The following P4HA1 variants were observed in gnomAD, a reference collection of about 807,000 sequenced individuals.
The protein encoded by P4HA1 is prolyl 4-hydroxylase subunit alpha 1.
P4HA1 carries 24 observed loss-of-function variants against 72.8 expected under a neutral mutation model. The ratio of observed to expected loss-of-function variants is 0.33; its 90% confidence interval spans 0.24 to 0.46. The LOEUF is 0.46. Ranked by LOEUF, P4HA1 falls within the 20% of genes least tolerant of loss-of-function variation. The probability of loss-of-function intolerance (pLI) is 1.00; values close to 1 mark genes in which losing one functional copy is unlikely to be tolerated. For synonymous variants in P4HA1, 201 were observed against 218.8 expected (o/e 0.92, Z 0.72); for missense variants, 446 against 640.6 (o/e 0.70, Z 3.28).
intron 7 of P4HA1, among the ~76,000 whole-genome samples, chr10:73,050,290 C>A (rs1407579978): frequency 1.3e-5 from 2 of 151,902 alleles, no homozygotes. Flanking sequence ...AATATTGCCC[C>A]AAACATATGT....
chr10:73,032,640 A>G (rs534418512), intron 9 of P4HA1, among the ~76,000 whole-genome samples: 1 of 152,316 alleles, frequency 6.6e-6, no homozygotes, highest in East Asian at 1.9e-4. Flanking sequence ...CTCTGCCCAG[A>G]ATATTCTTTT....
intron 5 of P4HA1, among the ~76,000 whole-genome samples, chr10:73,062,893 A>G (rs2133116363): frequency 6.6e-6 from 1 of 152,322 alleles, no homozygotes; most frequent in East Asian, 1.9e-4. Flanking sequence ...AACAGAGTCC[A>G]AGCTTGGAGG....
At chr10:73,030,796 GA>G (rs1840416167) in intron 9 of P4HA1, among the ~76,000 whole-genome samples, 1 of 152,058 alleles carries the variant, frequency 6.6e-6, no homozygotes, top group Non-Finnish European at 1.5e-5. Context: ...TATTTTATAA[GA>G]AAAAAATTCT....
intron 4 of P4HA1, among the ~76,000 whole-genome samples, chr10:73,069,404 C>T (rs1267000258): frequency 6.6e-6 from 1 of 151,974 alleles, no homozygotes; most frequent in Admixed American, 6.6e-5. Flanking sequence ...AATATGTGCT[C>T]TTAAAGTTGT....
chr10:73,024,903 A>C (rs1190709201), intron 10 of P4HA1, among the ~76,000 whole-genome samples: 2 of 152,252 alleles, frequency 1.3e-5, no homozygotes, highest in Non-Finnish European at 2.9e-5. Context: ...GAAATGGATA[A>C]ATTCCTGGAC....
rs368756949 is a variant in P4HA1, at chr10:73,043,097, T to C, written c.1148+1884A>G. Among the ~76,000 whole-genome samples, 9 of 152,338 alleles carry C rather than the reference T, an allele frequency of 5.9e-5. No individual in the cohort carries two copies. In the East Asian group the frequency reaches 1.5e-3, roughly 26 times the overall value. The stretch of plus-strand genomic sequence containing the variant: ...AGGCTGTGTTAAAGATAGTATCTTC[T>C]GGATTGTTACTATAATTATTATTCA... On this transcript the variant is annotated intron_variant, in intron 9 of 14. Transcript: ENST00000394890.
rs1564624892 is a variant in P4HA1 at position 73,037,554 on chromosome 10, TATATATATA to T, written c.1149-7193_1149-7185del. Among the ~76,000 whole-genome samples the T allele has an allele frequency of 1.8e-3, 61 of 33,154 alleles. 1 individual carries two copies. Among genetic ancestry groups the T allele is most frequent in the African/African-American group, 6.9e-3 (59 of 8,536 alleles). 21.8% of individuals were successfully genotyped at this position (33,154 alleles called of 152,430 possible). On this transcript the variant is annotated intron_variant, in intron 9 of 14. Coordinates refer to ENST00000394890, the MANE Select transcript of P4HA1 (RefSeq NM_001017962.3). ...ATATATATATATATATATATATATA[TATATATATA>T]TATATATATTTTTTTTTTTTTTTTT...
At chr10:73,033,625 T>C (rs61073217) in intron 9 of P4HA1, among the ~76,000 whole-genome samples, 24,251 of 152,148 alleles carry the variant, frequency 0.16, 3,221 homozygotes, top group African/African-American at 0.34. Flanking sequence ...ACTGCAAAAG[T>C]AAGAAATGCT....
At chr10:73,047,159 T>C in intron 7 of P4HA1, 58 bp from the exon 8 acceptor site, 1 of 1,183,486 alleles carries the variant, frequency 8.4e-7, no homozygotes, top group South Asian at 1.3e-5. Context: ...TTTTAATATC[T>C]ATTCCTATGC....
At chr10:73,068,808 G>A in intron 5 of P4HA1, 38 bp downstream of exon 5, 2 of 1,546,822 alleles carry the variant, frequency 1.3e-6, no homozygotes, top group Non-Finnish European at 1.8e-6. Context: ...AGAGAAGCTA[G>A]GTGATAGGTA....
chr10:73,063,539 G>T lies in P4HA1; in HGVS notation c.463+5307C>A, dbSNP rs549340505. On this transcript the variant is annotated intron_variant, in intron 5 of 14. Coordinates refer to ENST00000394890, the MANE Select transcript of P4HA1 (RefSeq NM_001017962.3). ...TGAGTTAGTTCCAGAAACTAAAGAT[G>T]CATATTAAATTTTGACAATGCTATT... is the stretch of plus-strand genomic sequence containing the variant. Among the ~76,000 whole-genome samples, 7 of 152,324 alleles carry T rather than the reference G, an allele frequency of 4.6e-5. No homozygotes were observed. The South Asian group carries it at 1.2e-3, about 27-fold the overall frequency.
chr10:73,093,907 TAC>T (rs376131663), intron 1 of P4HA1, among the ~76,000 whole-genome samples: 103 of 55,572 alleles, frequency 1.9e-3, no homozygotes, highest in South Asian at 7.8e-3. Flanking sequence ...TATATATATA[TAC>T]ACACACACAC....
At chr10:73,070,186 C>G (rs1391614101) in intron 4 of P4HA1, among the ~76,000 whole-genome samples, 1 of 102,954 alleles carries the variant, frequency 9.7e-6, no homozygotes, top group African/African-American at 3.9e-5. Flanking sequence ...GAGATGGAGT[C>G]TCGCTCTGTC....
rs757560895 is a variant in P4HA1, at chr10:73,047,119, A to C, written c.901-18T>G. 1.3e-6 allele frequency: 2 copies of C among 1,514,574 alleles called. No homozygotes were observed. Among genetic ancestry groups the C allele is most frequent in the South Asian group, 2.3e-5 (2 of 88,508 alleles). The allele number at this position is 1,514,574 out of a possible 1,614,324, so 93.8% of individuals were successfully genotyped here. On this transcript the variant is annotated intron_variant, in intron 7 of 14. Coordinates refer to ENST00000394890, the MANE Select transcript of P4HA1 (RefSeq NM_001017962.3). ...CGAGGGGTCTAAACATAAAGTTAAG[A>C]ATATGATGAATATATTACAGTAATA...
chr10:73,090,852 G>A (rs1319504947), intron 1 of P4HA1, among the ~76,000 whole-genome samples: 1 of 151,940 alleles, frequency 6.6e-6, no homozygotes, highest in Non-Finnish European at 1.5e-5. Flanking sequence ...CCCCCGGTCA[G>A]GAGTTCGAGA....
At chr10:73,043,875 T>A in intron 9 of P4HA1, 1 of 1,585,926 alleles carries the variant, frequency 6.3e-7, no homozygotes, top group Non-Finnish European at 8.7e-7. Context: ...GTTCTCTCCA[T>A]TACTCCCTTA....
intron 1 of P4HA1, among the ~76,000 whole-genome samples, chr10:73,090,914 T>A (rs1842014864): frequency 6.6e-6 from 1 of 151,310 alleles, no homozygotes; most frequent in Non-Finnish European, 1.5e-5. Context: ...TACAAAAAAG[T>A]AGTCGGGCGT....
At chr10:73,034,768 A>G (rs1840529847) in intron 9 of P4HA1, among the ~76,000 whole-genome samples, 1 of 151,590 alleles carries the variant, frequency 6.6e-6, no homozygotes, top group Admixed American at 6.6e-5. Flanking sequence ...TTTAGTAGAG[A>G]CGGGGTTTCA....
chr10:73,036,520 C>T (rs191145909), intron 9 of P4HA1, among the ~76,000 whole-genome samples: 21 of 152,120 alleles, frequency 1.4e-4, no homozygotes, highest in African/African-American at 4.3e-4. Flanking sequence ...CCTCAGCCTC[C>T]GGAGTAACTG....
Sources: allele counts gnomAD v4.1 joint callset (sites outside exome capture counted in the v4.1 genomes callset), GRCh38; gene constraint gnomAD v4.1.1; transcripts MANE v1.5; gene names NCBI Gene and HGNC (gene_info 2026-07-23, HGNC 2026-07-21).